The following TNFAIP8 variants were observed in gnomAD, a reference collection of about 807,000 sequenced individuals.
The protein encoded by TNFAIP8 is tumor necrosis factor alpha-induced protein 8.
In TNFAIP8, 7 loss-of-function variants were observed where a neutral mutation model predicts 13.3. That is an observed-to-expected ratio of 0.52 (90% CI 0.30 to 0.99). The LOEUF (loss-of-function observed/expected upper bound fraction) is 0.99. TNFAIP8 is among the 50% of genes least tolerant of loss of function. TNFAIP8 has a pLI of 0.07. For missense variants in TNFAIP8, 258 were observed against 236.9 expected, an observed-to-expected ratio of 1.09 and a Z score of -0.58; for synonymous variants, 94 against 87.6, an observed-to-expected ratio of 1.07 and a Z score of -0.41.
intron 1 of TNFAIP8, among the ~76,000 whole-genome samples, chr5:119,320,283 C>T (rs1750016116): frequency 6.6e-6 from 1 of 152,142 alleles, no homozygotes; most frequent in African/African-American, 2.4e-5. Flanking sequence ...TTTTTCTCTC[C>T]AACTTCTTCA....
chr5:119,363,786 G>A (rs1751723258), intron 1 of TNFAIP8, among the ~76,000 whole-genome samples: 3 of 152,158 alleles, frequency 2.0e-5, no homozygotes. Context: ...CACAGGTTAA[G>A]GGCTCAGTCC....
intron 1 of TNFAIP8, among the ~76,000 whole-genome samples, chr5:119,341,122 G>T (rs1321177893): frequency 6.7e-6 from 1 of 149,028 alleles, no homozygotes; most frequent in South Asian, 2.1e-4. Context: ...GATTACAATG[G>T]TGTTGCACAC....
At position 119,395,545 on chromosome 5, in the gene TNFAIP8, A is replaced by C. The variant is rs1020547100; in HGVS notation, c.*2164A>C. 1 of 152,282 alleles carries C rather than the reference A, an allele frequency of 6.6e-6. No individual in the cohort carries two copies. The highest frequency in any genetic ancestry group is 1.5e-5 in the Non-Finnish European group (1 of 68,102). The allele number at this position is 152,282 out of a possible 1,614,324, so 9.4% of individuals were successfully genotyped here. ...CCAGCAGGCTAGCAATCAAATGTGCATGGGATTGGGGGAGCAATGCTTCAT... is the reference window on the plus strand; with the variant it reads ...CCAGCAGGCTAGCAATCAAATGTGCCTGGGATTGGGGGAGCAATGCTTCAT... On this transcript the variant is annotated 3_prime_UTR_variant, in exon 2 of 2. Transcript: ENST00000504771.
At chr5:119,350,292 A>C (rs1037573791) in intron 1 of TNFAIP8, among the ~76,000 whole-genome samples, 3 of 152,232 alleles carry the variant, frequency 2.0e-5, no homozygotes, top group Non-Finnish European at 4.4e-5. Context: ...ATGAAGTGCT[A>C]TGTAGCCATT....
intron 1 of TNFAIP8, among the ~76,000 whole-genome samples, chr5:119,377,754 C>T (rs1428902629): frequency 7.6e-6 from 1 of 132,312 alleles, no homozygotes; most frequent in Non-Finnish European, 1.6e-5. Context: ...AATTATTTCA[C>T]AAATCCAAGA....
intron 1 of TNFAIP8, among the ~76,000 whole-genome samples, chr5:119,275,542 G>T (rs1295740054): frequency 2.0e-5 from 3 of 152,040 alleles, no homozygotes; most frequent in Non-Finnish European, 4.4e-5. Context: ...TGAGGTCCTG[G>T]TACCTCCAGG....
intron 1 of TNFAIP8, among the ~76,000 whole-genome samples, chr5:119,287,280 GTT>G (rs58452491): frequency 0.07 from 7,648 of 109,328 alleles, 300 homozygotes; most frequent in African/African-American, 0.19. Context: ...CAGTAACCAA[GTT>G]TTTTTTTTTT....
intron 1 of TNFAIP8, among the ~76,000 whole-genome samples, chr5:119,362,501 T>C (rs553972064): frequency 1.3e-5 from 2 of 152,180 alleles, no homozygotes; most frequent in African/African-American, 2.4e-5. Context: ...AGTTTCCCCA[T>C]TGGAAAAATT....
At chr5:119,340,255 G>C (rs1750693912) in intron 1 of TNFAIP8, among the ~76,000 whole-genome samples, 1 of 152,168 alleles carries the variant, frequency 6.6e-6, no homozygotes, top group South Asian at 2.1e-4. Context: ...ACGCACAGGG[G>C]GCCAGCCAGA....
In TNFAIP8 at chr5:119,395,281, C is replaced by G. The variant is rs1461661622; in HGVS notation, c.*1900C>G. On this transcript the variant is annotated 3_prime_UTR_variant, in exon 2 of 2. Transcript: ENST00000504771. ...TTATAAATGGAATTCAGCAGCCTTCCTTGACCAGCTGTTTTCCTCACATGT... is the reference window on the plus strand; with the variant it reads ...TTATAAATGGAATTCAGCAGCCTTCGTTGACCAGCTGTTTTCCTCACATGT... The G allele has an allele frequency of 6.6e-6, 1 of 152,264 alleles. No homozygotes were observed. Among genetic ancestry groups the G allele is most frequent in the African/African-American group, 2.4e-5 (1 of 41,448 alleles). 9.4% of individuals were successfully genotyped at this position (152,264 alleles called of 1,614,324 possible).
Position 119,335,162 on chromosome 5 carries a change from C to A in TNFAIP8, c.2-57654C>A, listed in dbSNP as rs72786163. Among the ~76,000 whole-genome samples the A allele has an allele frequency of 6.4e-3, 981 of 152,216 alleles. 7 individuals carry two copies. Among genetic ancestry groups the A allele is most frequent in the Non-Finnish European group, 9.4e-3 (641 of 68,002 alleles). On this transcript the variant is annotated intron_variant, in intron 1 of 1. Coordinates refer to the TNFAIP8 transcript ENST00000274456. ...ATATCAGCACATCCTGACCATGTTG[C>A]CATCTAGTGGAACTGGCTGAATTGC...
At chr5:119,387,023 G>C (rs909450158) in intron 1 of TNFAIP8, among the ~76,000 whole-genome samples, 3 of 123,356 alleles carry the variant, frequency 2.4e-5, no homozygotes, top group African/African-American at 9.5e-5. Flanking sequence ...CTTTCCCTCT[G>C]TTGTTTCTTC....
At chr5:119,388,027 T>C (rs1236326304) in intron 1 of TNFAIP8, among the ~76,000 whole-genome samples, 2 of 152,236 alleles carry the variant, frequency 1.3e-5, no homozygotes, top group Admixed American at 1.3e-4. Context: ...TACATCTTAG[T>C]TGCTTCCCAG....
At position 119,377,897 on chromosome 5, in the gene TNFAIP8, G is replaced by A. The variant is rs1031733122; in HGVS notation, c.32-14919G>A. 7.2e-5 allele frequency among the ~76,000 whole-genome samples: 11 copies of A among 152,162 alleles called. No individual in the cohort carries two copies. In the South Asian group the frequency reaches 1.0e-3, roughly 14 times the overall value. On this transcript the variant is annotated intron_variant, in intron 1 of 1. Transcript: ENST00000504771. ...TTTCTGTAAGGCAGTGATTACCTAC[G>A]CAAATGCCTACAGAACCCAGGAAAT... is the stretch of plus-strand genomic sequence containing the variant.
At chr5:119,318,895 T>C (rs1445192650) in intron 1 of TNFAIP8, among the ~76,000 whole-genome samples, 1 of 152,182 alleles carries the variant, frequency 6.6e-6, no homozygotes, top group Admixed American at 6.5e-5. Flanking sequence ...CTCTTACGTG[T>C]TTGGGTCCCT....
chr5:119,278,779 G>T (rs1488215681), intron 1 of TNFAIP8, among the ~76,000 whole-genome samples: 2 of 152,134 alleles, frequency 1.3e-5, no homozygotes, highest in African/African-American at 4.8e-5. Flanking sequence ...TAGTTGGGAG[G>T]AGAAAACCAA....
At chr5:119,290,782 G>C (rs1306920888) in intron 1 of TNFAIP8, among the ~76,000 whole-genome samples, 1 of 152,210 alleles carries the variant, frequency 6.6e-6, no homozygotes, top group African/African-American at 2.4e-5. Flanking sequence ...TTCAGTAGCT[G>C]AGGTTGAGGG....
At chr5:119,297,594 T>C (rs952383699) in intron 1 of TNFAIP8, among the ~76,000 whole-genome samples, 8 of 152,326 alleles carry the variant, frequency 5.3e-5, no homozygotes, top group Admixed American at 4.6e-4. Flanking sequence ...TGATTCAGGG[T>C]GGAGAGTTCT....
At chr5:119,358,823 G>C (rs1751530243) in intron 1 of TNFAIP8, among the ~76,000 whole-genome samples, 1 of 152,316 alleles carries the variant, frequency 6.6e-6, no homozygotes, top group Middle Eastern at 3.4e-3. Flanking sequence ...TGCTCTGGAT[G>C]TTGAAGCATT....
Sources: allele counts gnomAD v4.1 joint callset (sites outside exome capture counted in the v4.1 genomes callset), GRCh38; gene constraint gnomAD v4.1.1; transcripts MANE v1.5; gene names NCBI Gene and HGNC (gene_info 2026-07-23, HGNC 2026-07-21).